SPOCK3: variants seen among roughly 807,000 people sequenced by gnomAD.
SPOCK3 encodes the protein SPARC (osteonectin), cwcv and kazal like domains proteoglycan 3.
SPOCK3 carries 30 observed loss-of-function variants against 56.6 expected under a neutral mutation model. The ratio of observed to expected loss-of-function variants is 0.53; its 90% confidence interval spans 0.40 to 0.72. SPOCK3 has a LOEUF of 0.72. Ranked by LOEUF, SPOCK3 falls within the 30% of genes least tolerant of loss-of-function variation. The probability of loss-of-function intolerance (pLI) is 0.00; values close to 1 mark genes in which losing one functional copy is unlikely to be tolerated. For missense variants in SPOCK3, 527 were observed against 530.0 expected (o/e 0.99, Z 0.06); for synonymous variants, 196 against 183.3 (o/e 1.07, Z -0.56).
At chr4:166,811,476 G>T (rs1020702080) in intron 6 of SPOCK3, among the ~76,000 whole-genome samples, 1 of 150,884 alleles carries the variant, frequency 6.6e-6, no homozygotes, top group East Asian at 2.0e-4. Flanking sequence ...TACATTATTT[G>T]GTAGTATATT....
intron 2 of SPOCK3, among the ~76,000 whole-genome samples, chr4:167,165,882 G>A (rs1765717298): frequency 6.6e-6 from 1 of 151,908 alleles, no homozygotes; most frequent in African/African-American, 2.4e-5. Flanking sequence ...GAGGACATAT[G>A]TGAACTAAAG....
intron 6 of SPOCK3, among the ~76,000 whole-genome samples, chr4:166,868,177 C>T (rs1732055205): frequency 6.6e-6 from 1 of 151,542 alleles, no homozygotes; most frequent in African/African-American, 2.4e-5. Flanking sequence ...ATGGCTCACA[C>T]ATGTAATCGC....
At chr4:166,938,342 T>G (rs1740677355) in intron 4 of SPOCK3, among the ~76,000 whole-genome samples, 1 of 152,182 alleles carries the variant, frequency 6.6e-6, no homozygotes, top group African/African-American at 2.4e-5. Context: ...ATGAGTTTCC[T>G]CTGAAGTTTT....
chr4:167,054,152 A>G (rs2150226734), intron 3 of SPOCK3, among the ~76,000 whole-genome samples: 1 of 152,300 alleles, frequency 6.6e-6, no homozygotes, highest in Non-Finnish European at 1.5e-5. Flanking sequence ...CTTAAATAAA[A>G]GGTGATCCTT....
chr4:166,867,087 T>C (rs1052109846), intron 6 of SPOCK3, among the ~76,000 whole-genome samples: 1 of 151,990 alleles, frequency 6.6e-6, no homozygotes, highest in Non-Finnish European at 1.5e-5. Context: ...AAGCCCCATA[T>C]AAGAAGAGTA....
intron 5 of SPOCK3, among the ~76,000 whole-genome samples, chr4:166,897,080 A>G (rs755684509): frequency 3.9e-5 from 6 of 152,254 alleles, no homozygotes; most frequent in African/African-American, 1.4e-4. Flanking sequence ...ATTGCTTTAT[A>G]TATCTCGAGA....
At chr4:167,223,174 TAATA>T (rs1736222455) in intron 2 of SPOCK3, among the ~76,000 whole-genome samples, 1 of 128,942 alleles carries the variant, frequency 7.8e-6, no homozygotes, top group Non-Finnish European at 1.6e-5. Flanking sequence ...TATGAATATA[TAATA>T]TATATTTTAT....
intron 5 of SPOCK3, 36 bp downstream of exon 5, chr4:166,912,584 C>T (rs746211694): frequency 1.3e-6 from 2 of 1,592,058 alleles, no homozygotes; most frequent in South Asian, 1.1e-5. Flanking sequence ...AGTATGCATC[C>T]CTTATTTCAA....
intron 4 of SPOCK3, among the ~76,000 whole-genome samples, chr4:166,953,177 C>G (rs1414919003): frequency 6.6e-6 from 1 of 151,360 alleles, no homozygotes; most frequent in Admixed American, 6.6e-5. Context: ...ATTTTCGCAA[C>G]CTACTCTTCT....
At chr4:166,998,590 C>A (rs539623250) in intron 4 of SPOCK3, among the ~76,000 whole-genome samples, 4 of 152,188 alleles carry the variant, frequency 2.6e-5, no homozygotes, top group African/African-American at 9.6e-5. Context: ...CTTCAGTGTC[C>A]AGCAGGTGTC....
At chr4:167,218,489 A>T (rs867240108) in intron 2 of SPOCK3, among the ~76,000 whole-genome samples, 1 of 152,188 alleles carries the variant, frequency 6.6e-6, no homozygotes, top group Admixed American at 6.6e-5. Context: ...GGTAGCTTTC[A>T]GTGACTCAAA....
intron 6 of SPOCK3, among the ~76,000 whole-genome samples, chr4:166,851,304 A>G (rs958678206): frequency 2.0e-5 from 3 of 152,312 alleles, no homozygotes; most frequent in South Asian, 2.1e-4. Context: ...TATCCACACC[A>G]AAAACCCATC....
chr4:166,820,183 A>G (rs959923064), intron 6 of SPOCK3, among the ~76,000 whole-genome samples: 9 of 152,082 alleles, frequency 5.9e-5, no homozygotes, highest in African/African-American at 2.2e-4. Flanking sequence ...ATATATTTTG[A>G]CAGTTATTTA....
At chr4:166,990,447 A>G (rs1458182423) in intron 4 of SPOCK3, among the ~76,000 whole-genome samples, 1 of 152,152 alleles carries the variant, frequency 6.6e-6, no homozygotes, top group East Asian at 1.9e-4. Flanking sequence ...TAAAGAAAAT[A>G]GTAAAATAAA....
At chr4:166,762,868 A>G (rs1254433789) in intron 7 of SPOCK3, among the ~76,000 whole-genome samples, 2 of 152,164 alleles carry the variant, frequency 1.3e-5, no homozygotes, top group African/African-American at 2.4e-5. Flanking sequence ...GAGAAAGAAT[A>G]TGAAAAAGAA....
At chr4:166,768,168 C>T (rs533312543) in intron 7 of SPOCK3, among the ~76,000 whole-genome samples, 164 of 152,144 alleles carry the variant, frequency 1.1e-3, no homozygotes, top group African/African-American at 3.7e-3. Context: ...TCTTTTAATT[C>T]GAGCATTTAG....
intron 4 of SPOCK3, among the ~76,000 whole-genome samples, chr4:166,979,111 G>GA (rs1746298735): frequency 1.3e-5 from 2 of 151,974 alleles, no homozygotes; most frequent in South Asian, 4.2e-4. Context: ...AAGTTTCCTG[G>GA]AAAAAAATCC....
At chr4:167,159,307 A>T (rs1765078640) in intron 2 of SPOCK3, among the ~76,000 whole-genome samples, 1 of 152,030 alleles carries the variant, frequency 6.6e-6, no homozygotes, top group African/African-American at 2.4e-5. Flanking sequence ...AACTACCCAA[A>T]ATATGGCATC....
At chr4:166,982,279 A>G (rs115434915) in intron 4 of SPOCK3, among the ~76,000 whole-genome samples, 2 of 151,918 alleles carry the variant, frequency 1.3e-5, no homozygotes, top group African/African-American at 2.4e-5. Flanking sequence ...TCATCAATAC[A>G]GAGTTTACTG....
Sources: allele counts gnomAD v4.1 joint callset (sites outside exome capture counted in the v4.1 genomes callset), GRCh38; gene constraint gnomAD v4.1.1; transcripts MANE v1.5; gene names NCBI Gene and HGNC (gene_info 2026-07-23, HGNC 2026-07-21).